LRRC4C: variants seen among roughly 807,000 people sequenced by gnomAD.
LRRC4C encodes leucine-rich repeat-containing protein 4C.
In LRRC4C, 5 loss-of-function variants were observed where a neutral mutation model predicts 33.6. The ratio of observed to expected loss-of-function variants is 0.15; its 90% CI spans 0.08 to 0.31. The LOEUF (loss-of-function observed/expected upper bound fraction) is 0.31. Among genes scored for constraint, LRRC4C ranks in the 10% least tolerant of loss-of-function variants. The pLI is 1.00. For synonymous variants in LRRC4C, 329 were observed against 302.0 expected, an observed-to-expected ratio of 1.09 and a Z score of -0.93; for missense variants, 560 against 796.7, an observed-to-expected ratio of 0.70 and a Z score of 3.58.
intron 1 of LRRC4C, among the ~76,000 whole-genome samples, chr11:41,255,040 T>C (rs1427022736): frequency 6.6e-6 from 1 of 152,012 alleles, no homozygotes; most frequent in Non-Finnish European, 1.5e-5. Flanking sequence ...TTTTCCTGAG[T>C]TTCTTGCAAG....
chr11:40,308,484 G>T (rs1385561382), intron 4 of LRRC4C, among the ~76,000 whole-genome samples: 1 of 152,116 alleles, frequency 6.6e-6, no homozygotes, highest in Non-Finnish European at 1.5e-5. Context: ...GACCTTGCAG[G>T]TATGATTAAG....
chr11:40,136,281 T>A (rs1435938950), intron 6 of LRRC4C, among the ~76,000 whole-genome samples: 1 of 152,044 alleles, frequency 6.6e-6, no homozygotes, highest in Non-Finnish European at 1.5e-5. Flanking sequence ...TCTTTTTCTT[T>A]TTGATATGGA....
At chr11:41,162,989 G>A (rs1272596293) in intron 1 of LRRC4C, among the ~76,000 whole-genome samples, 1 of 152,120 alleles carries the variant, frequency 6.6e-6, no homozygotes, top group African/African-American at 2.4e-5. Flanking sequence ...TAAACCAGAT[G>A]GGAGATAATT....
chr11:40,907,622 C>T (rs1238737910), intron 2 of LRRC4C, among the ~76,000 whole-genome samples: 1 of 152,164 alleles, frequency 6.6e-6, no homozygotes, highest in Non-Finnish European at 1.5e-5. Context: ...ATCAGCTGAA[C>T]ACCTTGAAAC....
At chr11:40,325,494 G>T (rs1262167972) in intron 3 of LRRC4C, among the ~76,000 whole-genome samples, 1 of 152,080 alleles carries the variant, frequency 6.6e-6, no homozygotes, top group Admixed American at 6.6e-5. Context: ...CAAGTTTGGT[G>T]GCACATGCCT....
At chr11:40,222,675 T>C (rs1333975891) in intron 5 of LRRC4C, among the ~76,000 whole-genome samples, 1 of 152,214 alleles carries the variant, frequency 6.6e-6, no homozygotes, top group Non-Finnish European at 1.5e-5. Context: ...AATAAGTATT[T>C]ATCCATCACC....
chr11:40,165,082 T>C (rs1297750094), intron 5 of LRRC4C, among the ~76,000 whole-genome samples: 1 of 152,236 alleles, frequency 6.6e-6, no homozygotes, highest in Non-Finnish European at 1.5e-5. Flanking sequence ...CTCAAGGAAC[T>C]TAATTATCTT....
rs557937158 is a variant in LRRC4C, at chr11:40,964,832, C to T, written c.-495-31109G>A. The stretch of plus-strand genomic sequence containing the variant: ...TGTGAATAGTGCCACAATAAACATG[C>T]GTGTGCATGTGTCTTTATAGCAGCA... On this transcript the variant is annotated intron_variant, in intron 1 of 6. Coordinates refer to ENST00000528697, the MANE Select transcript of LRRC4C (RefSeq NM_001258419.2). 3.4e-4 allele frequency among the ~76,000 whole-genome samples: 51 copies of T among 151,562 alleles called. 1 individual carries two copies. In the South Asian group the frequency reaches 9.0e-3, roughly 27 times the overall value.
intron 1 of LRRC4C, among the ~76,000 whole-genome samples, chr11:40,940,277 G>C (rs1958084591): frequency 6.6e-6 from 1 of 152,044 alleles, no homozygotes; most frequent in Admixed American, 6.6e-5. Context: ...TAGGCACGTA[G>C]TATGTACCAA....
intron 3 of LRRC4C, among the ~76,000 whole-genome samples, chr11:40,364,266 G>A (rs1464330613): frequency 6.6e-6 from 1 of 151,994 alleles, no homozygotes; most frequent in African/African-American, 2.4e-5. Flanking sequence ...CAATGAAACA[G>A]ACGTTGAGCT....
chr11:41,154,956 A>G lies in LRRC4C; in HGVS notation c.-495-221233T>C, dbSNP rs1944161768. On this transcript the variant is annotated intron_variant, in intron 1 of 6. Coordinates refer to ENST00000528697, the MANE Select transcript of LRRC4C (RefSeq NM_001258419.2). ...TCAGACTGGGATCAGAGCAGGTGAGATATGTGGATTTGCAGCTTAGGAAAG... is the reference window on the plus strand; with the variant it reads ...TCAGACTGGGATCAGAGCAGGTGAGGTATGTGGATTTGCAGCTTAGGAAAG... Among the ~76,000 whole-genome samples, 4 of 152,240 alleles carry G rather than the reference A, an allele frequency of 2.6e-5. No homozygotes were observed. In the South Asian group the frequency reaches 8.3e-4, roughly 32 times the overall value.
At chr11:40,979,490 C>G (rs975896111) in intron 1 of LRRC4C, among the ~76,000 whole-genome samples, 2 of 152,190 alleles carry the variant, frequency 1.3e-5, no homozygotes, top group African/African-American at 4.8e-5. Flanking sequence ...TGGCCTATAA[C>G]TCTCATTACC....
intron 1 of LRRC4C, among the ~76,000 whole-genome samples, chr11:41,254,849 T>C (rs1251298140): frequency 6.6e-6 from 1 of 152,098 alleles, no homozygotes; most frequent in Non-Finnish European, 1.5e-5. Flanking sequence ...CAGTGGACTG[T>C]GGTTATAAAA....
At chr11:41,434,790 G>A (rs1043566547) in intron 1 of LRRC4C, among the ~76,000 whole-genome samples, 1 of 152,194 alleles carries the variant, frequency 6.6e-6, no homozygotes, top group African/African-American at 2.4e-5. Context: ...GGGGCAGCTT[G>A]AAGTCTGCAG....
At chr11:40,427,195 C>T (rs865949356) in intron 3 of LRRC4C, among the ~76,000 whole-genome samples, 1 of 152,096 alleles carries the variant, frequency 6.6e-6, no homozygotes, top group South Asian at 2.1e-4. Flanking sequence ...ATAAAAGAAA[C>T]TTCACCTTTA....
At chr11:40,212,638 G>T (rs1030651180) in intron 5 of LRRC4C, among the ~76,000 whole-genome samples, 3 of 152,088 alleles carry the variant, frequency 2.0e-5, no homozygotes, top group Admixed American at 6.6e-5. Flanking sequence ...CATTATGTGT[G>T]CCATTCTAAT....
chr11:41,292,785 C>T (rs1950028121), intron 1 of LRRC4C, among the ~76,000 whole-genome samples: 1 of 152,064 alleles, frequency 6.6e-6, no homozygotes, highest in Admixed American at 6.6e-5. Flanking sequence ...TCTTCACAAA[C>T]AGATGTTCTT....
At chr11:41,075,699 A>G (rs6485247) in intron 1 of LRRC4C, among the ~76,000 whole-genome samples, 98,298 of 152,044 alleles carry the variant, frequency 0.65, 33,456 homozygotes, top group South Asian at 0.78. Flanking sequence ...TTCTCCTAAT[A>G]GCATATTTCG....
chr11:41,192,256 A>G (rs1316650359), intron 1 of LRRC4C, among the ~76,000 whole-genome samples: 1 of 152,080 alleles, frequency 6.6e-6, no homozygotes, highest in African/African-American at 2.4e-5. Context: ...CCAGGAGAGC[A>G]CATACTTATC....
Sources: gnomAD v4.1 joint callset for allele counts (sites outside exome capture counted in the v4.1 genomes callset) on GRCh38, gnomAD v4.1.1 for gene constraint, MANE v1.5 for transcripts, NCBI Gene and HGNC (gene_info 2026-07-23, HGNC 2026-07-21) for gene names.